SERPINB7: variants seen among roughly 807,000 people sequenced by gnomAD.
SERPINB7 encodes the protein serpin B7.
In SERPINB7, 31 loss-of-function variants were observed where a neutral mutation model predicts 37.4. The ratio of observed to expected loss-of-function variants is 0.83; its 90% CI spans 0.62 to 1.12. The LOEUF (loss-of-function observed/expected upper bound fraction) is 1.12, where lower values mean the gene tolerates loss of function less well. Among genes scored for constraint, SERPINB7 ranks in the 50% most tolerant of loss-of-function variants. The pLI is 0.00. For synonymous variants in SERPINB7, 163 were observed against 166.1 expected, an observed-to-expected ratio of 0.98 and a Z score of 0.14; for missense variants, 521 against 455.3, an observed-to-expected ratio of 1.14 and a Z score of -1.31.
chr18:63,769,048 G>A (rs1772419484), intron 1 of SERPINB7, among the ~76,000 whole-genome samples: 1 of 152,070 alleles, frequency 6.6e-6, no homozygotes, highest in Admixed American at 6.6e-5. Flanking sequence ...AATGAATGAA[G>A]GTACTGTAAC....
chr18:63,798,754 G>A lies in SERPINB7; in HGVS notation c.597+8G>A, dbSNP rs369236570. 115 of 1,610,930 alleles carry A rather than the reference G, an allele frequency of 7.1e-5. No homozygotes were observed. Among genetic ancestry groups the A allele is most frequent in the African/African-American group, 1.5e-4 (11 of 74,736 alleles). On this transcript the variant is annotated splice_region_variant and intron_variant, in intron 6 of 7. Transcript: ENST00000398019. Reference sequence around the variant, plus strand: ...CATTTCAAATCTCCCAAGGTATGTCGTCAATCTCCTATTTAATTTAGAACT... The same window carrying A: ...CATTTCAAATCTCCCAAGGTATGTCATCAATCTCCTATTTAATTTAGAACT...
In SERPINB7 at chr18:63,781,291, G is replaced by A. The variant is rs187170103; in HGVS notation, c.-18-1064G>A. 1.3e-3 allele frequency among the ~76,000 whole-genome samples: 200 copies of A among 152,290 alleles called. 1 individual carries two copies. The highest frequency in any genetic ancestry group is 2.6e-3 in the Admixed American group (39 of 15,294). ...GTTGAGAATCGCTATGCTAGATCCT[G>A]TACATAGATCATCTCACTGAACAAG... On this transcript the variant is annotated intron_variant, in intron 1 of 7. Transcript: ENST00000398019.
intron 1 of SERPINB7, chr18:63,777,931 C>CAG (rs148242678): frequency 0.13 from 18,708 of 145,642 alleles, 2,060 homozygotes; most frequent in East Asian, 0.44. Flanking sequence ...CACACAGACA[C>CAG]AGAGAGAGAG....
intron 1 of SERPINB7, among the ~76,000 whole-genome samples, chr18:63,753,995 G>T (rs947554534): frequency 2.0e-5 from 3 of 152,108 alleles, no homozygotes; most frequent in Non-Finnish European, 2.9e-5. Flanking sequence ...TCATGGGAAG[G>T]GAAAAGATTC....
intron 1 of SERPINB7, among the ~76,000 whole-genome samples, chr18:63,766,255 C>T (rs1315414018): frequency 6.6e-6 from 1 of 152,098 alleles, no homozygotes; most frequent in African/African-American, 2.4e-5. Flanking sequence ...ACAATGGCTT[C>T]TCCCGTTTCC....
upstream of SERPINB7, among the ~76,000 whole-genome samples, chr18:63,774,667 C>T (rs1281533405): frequency 6.6e-6 from 1 of 152,054 alleles, no homozygotes; most frequent in Non-Finnish European, 1.5e-5. Flanking sequence ...CTGGGTGGTG[C>T]AGACGTGGCT....
In SERPINB7 at chr18:63,793,265, T is replaced by C; in HGVS notation, c.324T>C (p.Tyr108=). Residue 108 remains tyrosine (Y), a synonymous_variant, in exon 4 of 8, where the codon TAT becomes TAC. Coordinates refer to ENST00000398019, the MANE Select transcript of SERPINB7 (RefSeq NM_003784.4). The part of the protein sequence containing the change: ...IVNGLFAEKV[Y]GFHKDYIECA... The stretch of plus-strand genomic sequence containing the variant: ...ATGGGCTTTTTGCTGAAAAAGTGTA[T>C]GGCTTTCATAAGGTAAGTGAAACTG... 1 of 1,581,062 alleles carries C rather than the reference T, an allele frequency of 6.3e-7. No individual in the cohort carries two copies. Among genetic ancestry groups the C allele is most frequent in the Non-Finnish European group, 8.7e-7 (1 of 1,154,428 alleles).
At chr18:63,779,702 C>T (rs1270697322) in intron 1 of SERPINB7, among the ~76,000 whole-genome samples, 1 of 151,538 alleles carries the variant, frequency 6.6e-6, no homozygotes, top group Non-Finnish European at 1.5e-5. Flanking sequence ...TACTCTGTAT[C>T]CTGAATGAAT....
intron 1 of SERPINB7, among the ~76,000 whole-genome samples, chr18:63,780,608 G>T (rs2049292092): frequency 6.6e-6 from 1 of 152,116 alleles, no homozygotes; most frequent in Non-Finnish European, 1.5e-5. Context: ...ACCCGGGATT[G>T]CTTGGATTAG....
chr18:63,793,534 G>A (rs1254927227), intron 4 of SERPINB7, among the ~76,000 whole-genome samples: 2 of 152,168 alleles, frequency 1.3e-5, no homozygotes, highest in Non-Finnish European at 2.9e-5. Flanking sequence ...GGGATGCTGA[G>A]CTGTAAATGG....
At chr18:63,754,772 C>T (rs1423353272) in intron 1 of SERPINB7, among the ~76,000 whole-genome samples, 3 of 151,242 alleles carry the variant, frequency 2.0e-5, no homozygotes, top group Non-Finnish European at 4.4e-5. Context: ...ACTGTTTTCA[C>T]ACTGTAGTCT....
chr18:63,777,712 A>AT, intron 1 of SERPINB7: 1 of 152,354 alleles, frequency 6.6e-6, no homozygotes, highest in African/African-American at 2.4e-5. Context: ...CATGGCCATC[A>AT]TAAAAAAAAA....
chr18:63,766,646 G>A (rs796475995), intron 1 of SERPINB7, among the ~76,000 whole-genome samples: 10 of 151,940 alleles, frequency 6.6e-5, no homozygotes, highest in African/African-American at 9.7e-5. Context: ...CTCCTTCACC[G>A]TCTATTATTC....
At chr18:63,758,846 G>A (rs1000192725) in intron 1 of SERPINB7, among the ~76,000 whole-genome samples, 2 of 152,218 alleles carry the variant, frequency 1.3e-5, no homozygotes, top group African/African-American at 4.8e-5. Context: ...TCCTCACAGA[G>A]TCCAAGTGTA....
intron 1 of SERPINB7, among the ~76,000 whole-genome samples, chr18:63,777,172 A>G (rs1045281001): frequency 6.6e-6 from 1 of 152,076 alleles, no homozygotes; most frequent in African/African-American, 2.4e-5. Context: ...ATACCATGTT[A>G]GTGATTATAC....
At chr18:63,757,202 C>A (rs2049127405) in intron 1 of SERPINB7, among the ~76,000 whole-genome samples, 1 of 152,038 alleles carries the variant, frequency 6.6e-6, no homozygotes, top group Non-Finnish European at 1.5e-5. Flanking sequence ...ATTCAATCAG[C>A]CACAAAATGA....
chr18:63,797,609 G>A (rs546931562), intron 5 of SERPINB7, among the ~76,000 whole-genome samples: 46 of 152,158 alleles, frequency 3.0e-4, no homozygotes, highest in African/African-American at 1.1e-3. Flanking sequence ...ATTTGAGGAA[G>A]CACTTTAAAA....
intron 4 of SERPINB7, among the ~76,000 whole-genome samples, chr18:63,794,877 C>A (rs2049471161): frequency 6.6e-6 from 1 of 152,172 alleles, no homozygotes; most frequent in Non-Finnish European, 1.5e-5. Flanking sequence ...CAAAGGACAA[C>A]TAGTGAATCT....
upstream of SERPINB7, among the ~76,000 whole-genome samples, chr18:63,771,268 C>T (rs559129876): frequency 7.2e-5 from 11 of 152,090 alleles, no homozygotes; most frequent in African/African-American, 2.4e-4. Context: ...TGTTGGCATG[C>T]TTTGTGAAAT....
Sources: gnomAD v4.1 joint callset for allele counts (sites outside exome capture counted in the v4.1 genomes callset) on GRCh38, gnomAD v4.1.1 for gene constraint, MANE v1.5 for transcripts, NCBI Gene and HGNC (gene_info 2026-07-23, HGNC 2026-07-21) for gene names.